C1QL3: variants seen among roughly 807,000 people sequenced by gnomAD.
The protein encoded by C1QL3 is complement C1q like 3.
A neutral mutation model predicts 16.6 loss-of-function variants in C1QL3; 4 were observed. The ratio of observed to expected loss-of-function variants is 0.24; its 90% CI spans 0.12 to 0.55. The LOEUF is 0.55. Ranked by LOEUF, C1QL3 falls within the 20% of genes least tolerant of loss-of-function variation. The pLI is 0.94. For synonymous variants in C1QL3, 189 were observed against 160.2 expected, an observed-to-expected ratio of 1.18 and a Z score of -1.36; for missense variants, 269 against 365.6, an observed-to-expected ratio of 0.74 and a Z score of 2.16.
At chr10:16,516,224 T>C (rs1285601211) in intron 1 of C1QL3, among the ~76,000 whole-genome samples, 2 of 152,162 alleles carry the variant, frequency 1.3e-5, no homozygotes, top group Non-Finnish European at 2.9e-5. Context: ...TAATTATGCT[T>C]GGAAGCACTG....
chr10:16,514,773 C>G (rs1836922718), intron 1 of C1QL3, 66 bp from the exon 2 acceptor site: 1 of 1,204,248 alleles, frequency 8.3e-7, no homozygotes, highest in Non-Finnish European at 1.2e-6. Context: ...TTTTGCCATT[C>G]ATGTAGCATC....
Position 16,514,488 on chromosome 10 carries a change from A to G in C1QL3, c.*40T>C, listed in dbSNP as rs1353331010. ...TCACTGACGTTAGCCATACGAATCC[A>G]GTGTTCAAACTCAGAATAATAAGCT... is the stretch of plus-strand genomic sequence containing the variant. On this transcript the variant is annotated 3_prime_UTR_variant, in exon 2 of 2. Coordinates refer to ENST00000298943, the MANE Select transcript of C1QL3 (RefSeq NM_001010908.2). 3.2e-6 allele frequency: 5 copies of G among 1,558,642 alleles called. No individual in the cohort carries two copies. The East Asian group carries it at 9.0e-5, about 28-fold the overall frequency.
Position 16,514,351 on chromosome 10 carries a change from A to AT in C1QL3, c.*176dup, listed in dbSNP as rs1836914856. The AT allele has an allele frequency of 1.7e-6, 1 of 596,168 alleles. No individual in the cohort carries two copies. 36.9% of individuals were successfully genotyped at this position (596,168 alleles called of 1,614,324 possible). On this transcript the variant is annotated 3_prime_UTR_variant, in exon 2 of 2. Transcript: ENST00000298943. ...ACACATCTGCTTATCTTGCTTTGAT[A>AT]TTTTTTACATAATGTTTCTGAGTGA... is the stretch of plus-strand genomic sequence containing the variant.
Position 16,514,149 on chromosome 10 carries a change from A to T in C1QL3, c.*379T>A, listed in dbSNP as rs1836910749. On this transcript the variant is annotated 3_prime_UTR_variant, in exon 2 of 2. Transcript: ENST00000298943. Reference sequence around the variant, plus strand: ...TATCATAATAAGCAGGTAAACTCACAAGAACCAAAGCTGACATATGGATAA... The same window carrying T: ...TATCATAATAAGCAGGTAAACTCACTAGAACCAAAGCTGACATATGGATAA... The T allele has an allele frequency of 2.5e-6, 1 of 398,730 alleles. No individual in the cohort carries two copies. Among genetic ancestry groups the T allele is most frequent in the Non-Finnish European group, 4.4e-6 (1 of 226,372 alleles). 24.7% of individuals were successfully genotyped at this position (398,730 alleles called of 1,614,324 possible). A position where few individuals can be genotyped will look rare whatever the true frequency, so the allele number is the denominator to read the frequency against.
chr10:16,520,990 C>A lies in C1QL3; in HGVS notation c.76G>T (p.Gly26Cys). 1 of 1,595,188 alleles carries A rather than the reference C, an allele frequency of 6.3e-7. No homozygotes were observed. The highest frequency in any genetic ancestry group is 1.7e-5 in the Admixed American group (1 of 59,334). ...AGTSAHYEML[G>C]TCRMVCDPYG... is the part of the protein sequence containing the mutation. The stretch of plus-strand genomic sequence containing the variant: ...GGGTCGCAGACCATGCGGCAGGTGC[C>A]CAGCATCTCGTAGTGCGCCGACGTG... The change falls in exon 1 of 2, where the codon GGC becomes TGC. Residue 26 changes from glycine to cysteine, a missense_variant. By Grantham distance (159) the Gly-to-Cys change is radical (BLOSUM62 -3). Coordinates refer to ENST00000298943, the MANE Select transcript of C1QL3 (RefSeq NM_001010908.2). The surrounding 1 kb of genome is among the most constrained non-coding windows in gnomAD (Gnocchi z 8.3).
intron 1 of C1QL3, among the ~76,000 whole-genome samples, chr10:16,519,675 A>G (rs913643808): frequency 1.7e-4 from 26 of 152,066 alleles, no homozygotes; most frequent in Admixed American, 3.3e-4. Context: ...CCAGAGGCCG[A>G]TAGACCCGGG....
intron 1 of C1QL3, among the ~76,000 whole-genome samples, chr10:16,517,889 T>C (rs1836978620): frequency 6.6e-6 from 1 of 152,238 alleles, no homozygotes; most frequent in South Asian, 2.1e-4. Flanking sequence ...GTTAATTTAC[T>C]GGTCTTTGAT....
At chr10:16,514,854 G>C (rs1482037931) in intron 1 of C1QL3, 147 bp from the exon 2 acceptor site, 3 of 627,242 alleles carry the variant, frequency 4.8e-6, no homozygotes, top group Non-Finnish European at 8.2e-6. Context: ...AGCTTTATGA[G>C]GATAGTGCTG....
intron 1 of C1QL3, among the ~76,000 whole-genome samples, chr10:16,518,306 C>T (rs1836984581): frequency 6.6e-6 from 1 of 152,016 alleles, no homozygotes; most frequent in Admixed American, 6.5e-5. Flanking sequence ...CAAAATAGTC[C>T]ACACTGAACT....
At position 16,514,162 on chromosome 10, in the gene C1QL3, G is replaced by C. The variant is rs1027998126; in HGVS notation, c.*366C>G. On this transcript the variant is annotated 3_prime_UTR_variant, in exon 2 of 2. Coordinates refer to ENST00000298943, the MANE Select transcript of C1QL3 (RefSeq NM_001010908.2). ...AGGTAAACTCACAAGAACCAAAGCT[G>C]ACATATGGATAAAAGCAGCAAGATC... The C allele has an allele frequency of 1.3e-5, 5 of 398,728 alleles. No homozygotes were observed. Among genetic ancestry groups the C allele is most frequent in the Non-Finnish European group, 1.8e-5 (4 of 226,388 alleles). The allele number at this position is 398,728 out of a possible 1,614,324, so 24.7% of individuals were successfully genotyped here.
chr10:16,519,013 T>G (rs1208069607), intron 1 of C1QL3, among the ~76,000 whole-genome samples: 3 of 152,094 alleles, frequency 2.0e-5, no homozygotes, highest in Non-Finnish European at 4.4e-5. Context: ...AACAACCCTG[T>G]CAGTGCCTCC....
Position 16,521,306 on chromosome 10 carries a change from A to G in C1QL3, c.-241T>C, listed in dbSNP as rs1222482254. On this transcript the variant is annotated 5_prime_UTR_variant, in exon 1 of 2. Transcript: ENST00000298943. ...GGCTGGGGAGGGAGCGCGGGCGCCC[A>G]GTGACTTGAGCCGAAGTCCCGAGCC... 6 of 461,772 alleles carry G rather than the reference A, an allele frequency of 1.3e-5. No homozygotes were observed. Among genetic ancestry groups the G allele is most frequent in the Non-Finnish European group, 1.9e-5 (5 of 262,404 alleles). The allele number at this position is 461,772 out of a possible 1,614,324, so 28.6% of individuals were successfully genotyped here.
intron 1 of C1QL3, among the ~76,000 whole-genome samples, chr10:16,519,676 T>C (rs1467392152): frequency 1.3e-5 from 2 of 152,094 alleles, no homozygotes; most frequent in Non-Finnish European, 2.9e-5. Context: ...CAGAGGCCGA[T>C]AGACCCGGGG....
chr10:16,514,522 G>A lies in C1QL3; in HGVS notation c.*6C>T, dbSNP rs1478923501. The A allele has an allele frequency of 6.2e-7, 1 of 1,610,760 alleles. No individual in the cohort carries two copies. Among genetic ancestry groups the A allele is most frequent in the East Asian group, 2.2e-5 (1 of 44,858 alleles). On this transcript the variant is annotated 3_prime_UTR_variant, in exon 2 of 2. Coordinates refer to ENST00000298943, the MANE Select transcript of C1QL3 (RefSeq NM_001010908.2). Reference sequence around the variant, plus strand: ...ACTCAGAATAATAAGCTTAGTTTCTGCATTATCAGTCAGCATAAATAATAA... The same window carrying A: ...ACTCAGAATAATAAGCTTAGTTTCTACATTATCAGTCAGCATAAATAATAA...
chr10:16,516,383 C>T (rs1836951335), intron 1 of C1QL3, among the ~76,000 whole-genome samples: 1 of 151,966 alleles, frequency 6.6e-6, no homozygotes, highest in Admixed American at 6.6e-5. Context: ...GCCATTAATT[C>T]CCAGGGAAAC....
rs778289032 is a variant in C1QL3 at position 16,520,446 on chromosome 10, C to T, written c.588+32G>A. On this transcript the variant is annotated intron_variant, in intron 1 of 1. Coordinates refer to ENST00000298943, the MANE Select transcript of C1QL3 (RefSeq NM_001010908.2). The surrounding 1 kb of genome is among the most constrained non-coding windows in gnomAD (Gnocchi z 8.3). The stretch of plus-strand genomic sequence containing the variant: ...TCGCCCGCACCTTCCCGCGCTCCCT[C>T]CCCGCCCTCCCCGCCGCCCGCCCGC... 8 of 861,974 alleles carry T rather than the reference C, an allele frequency of 9.3e-6. No homozygotes were observed. In the Admixed American group the frequency reaches 1.7e-4, roughly 19 times the overall value. The allele number at this position is 861,974 out of a possible 1,614,324, so 53.4% of individuals were successfully genotyped here. A position where few individuals can be genotyped will look rare whatever the true frequency, so the allele number is the denominator to read the frequency against.
rs1837021206 is a variant in C1QL3 at position 16,520,382 on chromosome 10, C to T, written c.588+96G>A. 5.1e-6 allele frequency: 5 copies of T among 989,952 alleles called. No individual in the cohort carries two copies. Among genetic ancestry groups the T allele is most frequent in the Admixed American group, 2.7e-5 (1 of 37,676 alleles). 61.3% of individuals were successfully genotyped at this position (989,952 alleles called of 1,614,324 possible). On this transcript the variant is annotated intron_variant, in intron 1 of 1. Transcript: ENST00000298943. This position sits in a 1 kb window ranked among gnomAD's most constrained non-coding sequence, Gnocchi z 8.3. ...GGAGCCCGGCCGCCGCGCCCTTCCT[C>T]CGCGGGCTCCCACCCCCATTTCCGG... is the stretch of plus-strand genomic sequence containing the variant.
In C1QL3 at chr10:16,514,323, A is replaced by T. The variant is rs369496544; in HGVS notation, c.*205T>A. On this transcript the variant is annotated 3_prime_UTR_variant, in exon 2 of 2. Transcript: ENST00000298943. ...GGAGTATTTGCTTTGGCGGTAGTGGATCACACATCTGCTTATCTTGCTTTG... is the reference window on the plus strand; with the variant it reads ...GGAGTATTTGCTTTGGCGGTAGTGGTTCACACATCTGCTTATCTTGCTTTG... 9 of 582,986 alleles carry T rather than the reference A, an allele frequency of 1.5e-5. No individual in the cohort carries two copies. In the East Asian group the frequency reaches 2.5e-4, roughly 16 times the overall value. 36.1% of individuals were successfully genotyped at this position (582,986 alleles called of 1,614,324 possible). A position where few individuals can be genotyped will look rare whatever the true frequency, so the allele number is the denominator to read the frequency against.
At position 16,520,879 on chromosome 10, in the gene C1QL3, T is replaced by C; in HGVS notation, c.187A>G (p.Lys63Glu). The change falls in exon 1 of 2, where the codon AAA becomes GAA. Residue 63 changes from lysine (K) to glutamate (E), a missense_variant. By Grantham distance (56) the Lys-to-Glu change is moderately conservative (BLOSUM62 1). Transcript: ENST00000298943. This position sits in a 1 kb window ranked among gnomAD's most constrained non-coding sequence, Gnocchi z 8.3. ...QSLPTFIQGP[K>E]GEAGRPGKAG... The stretch of plus-strand genomic sequence containing the variant: ...TTCCCGGGCCTGCCGGCCTCGCCTT[T>C]GGGGCCCTGGATGAAGGTGGGCAGG... 2 of 1,505,006 alleles carry C rather than the reference T, an allele frequency of 1.3e-6. No individual in the cohort carries two copies. The highest frequency in any genetic ancestry group is 2.5e-5 in the South Asian group (2 of 81,340). The allele number at this position is 1,505,006 out of a possible 1,614,324, so 93.2% of individuals were successfully genotyped here.
Sources: gnomAD v4.1 joint callset for allele counts (sites outside exome capture counted in the v4.1 genomes callset) on GRCh38, gnomAD v4.1.1 for gene constraint, Gnocchi (gnomAD v3.1) non-coding constraint, MANE v1.5 for transcripts, NCBI Gene and HGNC (gene_info 2026-07-23, HGNC 2026-07-21) for gene names.